Variants in XDH observed in about 807,000 individuals in gnomAD.
The protein encoded by XDH is xanthine dehydrogenase, also known as xanthine dehydrogenase/oxidase.
Under a neutral mutation model 156.1 loss-of-function variants are expected in XDH, and 138 were observed. That is an observed-to-expected ratio of 0.88 (90% CI 0.77 to 1.02). The LOEUF is 1.02. Ranked by LOEUF, XDH falls within the 50% of genes least tolerant of loss-of-function variation. The pLI is 0.00. For missense variants in XDH, 1,849 were observed against 1,684.9 expected (o/e 1.10, Z -1.71); for synonymous variants, 669 against 625.7 (o/e 1.07, Z -1.03).
chr2:31,377,841 G>T (rs533962654), intron 13 of XDH, among the ~76,000 whole-genome samples: 1 of 149,926 alleles, frequency 6.7e-6, no homozygotes, highest in Admixed American at 6.6e-5. Context: ...GCAACATAGT[G>T]AGGCCCTATC....
rs147286954 is a variant in XDH, at chr2:31,398,678, C to T, written c.328G>A (p.Gly110Ser). 49 of 1,614,048 alleles carry T rather than the reference C, an allele frequency of 3.0e-5. No homozygotes were observed. The highest frequency in any genetic ancestry group is 3.0e-4 in the Admixed American group (18 of 60,016). The change falls in exon 5 of 36, where the codon GGC becomes AGC. Residue 110 changes from glycine to serine, a missense_variant. Gly to Ser is a moderately conservative substitution (Grantham distance 56). Coordinates refer to ENST00000379416, the MANE Select transcript of XDH (RefSeq NM_000379.4). ...PVQERIAKSHGSQCGFCTPGI... is the reference protein window; with the variant it reads ...PVQERIAKSHSSQCGFCTPGI... Reference sequence around the variant, plus strand: ...GGGGTGCAGAACCCGCACTGGGAGCCGTGGCTTTTGGCAATTCTCTCCTAA... The same window carrying T: ...GGGGTGCAGAACCCGCACTGGGAGCTGTGGCTTTTGGCAATTCTCTCCTAA...
At chr2:31,352,195 A>T (rs1208552516) in intron 24 of XDH, among the ~76,000 whole-genome samples, 1 of 151,316 alleles carries the variant, frequency 6.6e-6, no homozygotes, top group Admixed American at 6.6e-5. Flanking sequence ...TTTTTGGGAG[A>T]TTTGTCAAGT....
chr2:31,389,272 T>C (rs1686698359), intron 6 of XDH, among the ~76,000 whole-genome samples: 1 of 152,170 alleles, frequency 6.6e-6, no homozygotes, highest in Admixed American at 6.5e-5. Flanking sequence ...CATGGGATGC[T>C]GGAGGTGTGA....
intron 24 of XDH, among the ~76,000 whole-genome samples, chr2:31,356,666 C>T (rs911679078): frequency 1.3e-5 from 2 of 152,170 alleles, no homozygotes; most frequent in African/African-American, 4.8e-5. Flanking sequence ...AGACTTCTGG[C>T]CTCAGAACTG....
intron 17 of XDH, among the ~76,000 whole-genome samples, chr2:31,371,105 C>T (rs550580414): frequency 2.2e-4 from 33 of 152,292 alleles, no homozygotes; most frequent in Admixed American, 1.8e-3. Flanking sequence ...ACAGGGCATC[C>T]TACCATAATT....
intron 34 of XDH, among the ~76,000 whole-genome samples, chr2:31,338,551 G>A (rs1044296065): frequency 2.6e-5 from 4 of 152,044 alleles, no homozygotes; most frequent in African/African-American, 4.8e-5. Flanking sequence ...AGTAAACCAC[G>A]AGATGAGCAA....
chr2:31,376,566 G>A (rs1481695286), intron 14 of XDH, among the ~76,000 whole-genome samples: 1 of 149,502 alleles, frequency 6.7e-6, no homozygotes, highest in Non-Finnish European at 1.5e-5. Context: ...AGAGTAAGCG[G>A]TAGAAGAGGC....
At chr2:31,373,333 G>A (rs1382346715) in intron 16 of XDH, among the ~76,000 whole-genome samples, 1 of 152,142 alleles carries the variant, frequency 6.6e-6, no homozygotes, top group Non-Finnish European at 1.5e-5. Context: ...CAAGCCCACT[G>A]CCTGTTTTTG....
rs748376596 is a variant in XDH, at chr2:31,344,670, A to G, written c.3404+14T>C. On this transcript the variant is annotated intron_variant, in intron 31 of 35. Transcript: ENST00000379416. ...ATCACACTATGAGCTGGGCAAGGAC[A>G]ACACCATACTTACCTATAAAACCCA... 6.2e-7 allele frequency: 1 copy of G among 1,614,098 alleles called. No homozygotes were observed. Among genetic ancestry groups the G allele is most frequent in the South Asian group, 1.1e-5 (1 of 91,078 alleles).
intron 2 of XDH, among the ~76,000 whole-genome samples, chr2:31,403,361 G>A (rs1292477276): frequency 6.6e-6 from 1 of 152,214 alleles, no homozygotes. Flanking sequence ...CTGCACAGAA[G>A]AGCAAAGGCA....
chr2:31,382,003 C>A (rs1030257468), intron 11 of XDH, among the ~76,000 whole-genome samples: 4 of 152,156 alleles, frequency 2.6e-5, no homozygotes, highest in African/African-American at 9.7e-5. Flanking sequence ...TTCACCCAAC[C>A]TTTTCCCGAA....
chr2:31,337,837 A>G lies in XDH; in HGVS notation c.3775-20T>C, dbSNP rs759938100. 2 of 1,612,618 alleles carry G rather than the reference A, an allele frequency of 1.2e-6. No individual in the cohort carries two copies. Among genetic ancestry groups the G allele is most frequent in the Admixed American group, 3.3e-5 (2 of 59,946 alleles). The stretch of plus-strand genomic sequence containing the variant: ...AACAGCCTGAACACAGACAGGGCAC[A>G]GGGCAGGGGCTCAGGCAGGTGGTCC... On this transcript the variant is annotated intron_variant, in intron 34 of 35. Transcript: ENST00000379416.
At chr2:31,340,494 G>C (rs890552955) in intron 33 of XDH, among the ~76,000 whole-genome samples, 4 of 151,852 alleles carry the variant, frequency 2.6e-5, no homozygotes, top group Non-Finnish European at 5.9e-5. Context: ...TTTTGAGACT[G>C]AGTCTTGCTC....
intron 1 of XDH, among the ~76,000 whole-genome samples, chr2:31,411,530 A>G (rs1687342874): frequency 6.6e-6 from 1 of 152,194 alleles, no homozygotes; most frequent in Non-Finnish European, 1.5e-5. Context: ...CAGTTGGTAA[A>G]GTACATAAAG....
intron 23 of XDH, among the ~76,000 whole-genome samples, chr2:31,365,082 C>T (rs948636193): frequency 3.9e-5 from 6 of 152,198 alleles, no homozygotes; most frequent in Admixed American, 3.3e-4. Flanking sequence ...AGTTTTATTT[C>T]TCACAGTAAA....
At chr2:31,338,637 A>G (rs963686346) in intron 34 of XDH, among the ~76,000 whole-genome samples, 3 of 150,950 alleles carry the variant, frequency 2.0e-5, no homozygotes, top group East Asian at 3.9e-4. Context: ...AGCTAAATCA[A>G]TTTTCAACCA....
At chr2:31,409,772 A>G (rs1572575338) in intron 1 of XDH, among the ~76,000 whole-genome samples, 2 of 152,228 alleles carry the variant, frequency 1.3e-5, no homozygotes, top group Non-Finnish European at 2.9e-5. Context: ...AAACTGGAAC[A>G]CCTGTCCACT....
At chr2:31,347,921 C>T (rs569223093) in intron 28 of XDH, among the ~76,000 whole-genome samples, 5 of 152,330 alleles carry the variant, frequency 3.3e-5, no homozygotes, top group South Asian at 2.1e-4. Context: ...AGTCTCCATG[C>T]GCCAAGCAGA....
rs1338823237 is a variant in XDH, at chr2:31,367,967, CA to C, written c.2190del (p.Val731CysfsTer41). 2.3e-5 allele frequency: 37 copies of C among 1,614,084 alleles called. No individual in the cohort carries two copies. Among genetic ancestry groups the C allele is most frequent in the Non-Finnish European group, 3.1e-5 (37 of 1,179,926 alleles). On this transcript the variant is annotated frameshift_variant, in exon 20 of 36. Coordinates refer to ENST00000379416, the MANE Select transcript of XDH (RefSeq NM_000379.4). LOFTEE classifies it high-confidence loss of function. ...LKKGFSEADN[V>X]VSGEIYIGGQ... ...CGGCATGGAACAGCTCTACCTGACA[CA>C]ACATTATCTGCTTCGGAAAACCCCT...
Sources: allele counts gnomAD v4.1 joint callset (sites outside exome capture counted in the v4.1 genomes callset), GRCh38; gene constraint gnomAD v4.1.1; transcripts MANE v1.5; gene names NCBI Gene and HGNC (gene_info 2026-07-23, HGNC 2026-07-21).